MCAT: variants seen among roughly 807,000 people sequenced by gnomAD.
MCAT encodes the protein malonyl-CoA-acyl carrier protein transacylase.
Under a neutral mutation model 22.9 loss-of-function variants are expected in MCAT, and 22 were observed. That is an observed-to-expected ratio of 0.96 (90% CI 0.69 to 1.37). MCAT has a LOEUF of 1.37. Ranked by LOEUF, MCAT falls within the 40% of genes most tolerant of loss-of-function variation. The probability of loss-of-function intolerance (pLI) is 0.00; values close to 1 mark genes in which losing one functional copy is unlikely to be tolerated. For missense variants in MCAT, 534 were observed against 533.6 expected (o/e 1.00, Z -0.01); for synonymous variants, 240 against 233.9 (o/e 1.03, Z -0.24).
intron 2 of MCAT, among the ~76,000 whole-genome samples, chr22:43,137,631 C>T (rs1033129834): frequency 1.3e-5 from 2 of 152,108 alleles, no homozygotes; most frequent in Non-Finnish European, 2.9e-5. Flanking sequence ...GTGCCACTGA[C>T]GTCTAGTGGG....
intron 3 of MCAT, among the ~76,000 whole-genome samples, chr22:43,135,259 T>C (rs1334187041): frequency 2.0e-5 from 3 of 152,124 alleles, no homozygotes; most frequent in African/African-American, 4.8e-5. Context: ...TCCCAGCACT[T>C]TGGGAGGCCG....
At position 43,132,852 on chromosome 22, in the gene MCAT, G is replaced by A. The variant is rs55888369; in HGVS notation, c.*191C>T. The A allele has an allele frequency of 0.014, 8,436 of 593,158 alleles. 103 individuals carry two copies. The highest frequency in any genetic ancestry group is 0.019 in the Middle Eastern group (43 of 2,226). 36.7% of individuals were successfully genotyped at this position (593,158 alleles called of 1,614,324 possible). Reference sequence around the variant, plus strand: ...AACGTCCAAACGTTTTTCCAAGGGGGAGAAATGGACTGGGTCATGTAAAGA... The same window carrying A: ...AACGTCCAAACGTTTTTCCAAGGGGAAGAAATGGACTGGGTCATGTAAAGA... On this transcript the variant is annotated 3_prime_UTR_variant, in exon 4 of 4. Coordinates refer to ENST00000290429, the MANE Select transcript of MCAT (RefSeq NM_173467.5).
intron 3 of MCAT, 87 bp from the exon 4 acceptor site, chr22:43,133,573 G>T (rs898081002): frequency 6.0e-5 from 63 of 1,047,966 alleles, no homozygotes; most frequent in Non-Finnish European, 7.4e-5. Context: ...AACTGGGAGG[G>T]TGACCACAAA....
Position 43,143,215 on chromosome 22 carries a change from G to T in MCAT, c.134C>A (p.Ala45Glu). ...VAELLRDATG[A>E]EEEAPWAATE... is the part of the protein sequence containing the mutation. Reference sequence around the variant, plus strand: ...CGCCGCCCAGGGCGCCTCCTCCTCCGCCCCGGTCGCATCTCGCAGCAGCTC... The same window carrying T: ...CGCCGCCCAGGGCGCCTCCTCCTCCTCCCCGGTCGCATCTCGCAGCAGCTC... The change falls in exon 1 of 4, where the codon GCG becomes GAG. Residue 45 changes from alanine (A) to glutamate (E), a missense_variant. By Grantham distance (107) the Ala-to-Glu change is moderately radical (BLOSUM62 -1). Transcript: ENST00000290429. 6.6e-7 allele frequency: 1 copy of T among 1,525,458 alleles called. No individual in the cohort carries two copies. Among genetic ancestry groups the T allele is most frequent in the Admixed American group, 2.0e-5 (1 of 50,130 alleles). 94.5% of individuals were successfully genotyped at this position (1,525,458 alleles called of 1,614,324 possible). A position where few individuals can be genotyped will look rare whatever the true frequency, so the allele number is the denominator to read the frequency against.
rs777642010 is a variant in MCAT at position 43,133,251 on chromosome 22, G to A, written c.965C>T (p.Ser322Phe). ...IHKLLAQQLV[S>F]PVKWEQTMHA... The stretch of plus-strand genomic sequence containing the variant: ...CATCGTCTGCTCCCACTTCACTGGG[G>A]AGACCAGCTGCTGGGCCAGCAGCTT... The change falls in exon 4 of 4, where the codon TCC becomes TTC. Residue 322 changes from serine (S) to phenylalanine (F), a missense_variant. Transcript: ENST00000290429. 6.2e-6 allele frequency: 10 copies of A among 1,614,208 alleles called. No homozygotes were observed. The highest frequency in any genetic ancestry group is 3.3e-5 in the South Asian group (3 of 91,090).
intron 2 of MCAT, 122 bp from the exon 3 acceptor site, chr22:43,137,420 C>T (rs1601742415): frequency 5.3e-6 from 4 of 749,714 alleles, no homozygotes; most frequent in Admixed American, 2.7e-5. Context: ...GTGTCTGCCA[C>T]CAGCCAGCAG....
At chr22:43,137,459 T>C (rs1930650137) in intron 2 of MCAT, among the ~76,000 whole-genome samples, 161 bp from the exon 3 acceptor site, 1 of 152,238 alleles carries the variant, frequency 6.6e-6, no homozygotes, top group Non-Finnish European at 1.5e-5. Context: ...CTCCATCGAC[T>C]GCACAAGCGC....
rs1287476568 is a variant in MCAT at position 43,141,145 on chromosome 22, C to G, written c.511+17G>C. 3.7e-6 allele frequency: 6 copies of G among 1,613,216 alleles called. No homozygotes were observed. Among genetic ancestry groups the G allele is most frequent in the Non-Finnish European group, 5.1e-6 (6 of 1,179,348 alleles). Reference sequence around the variant, plus strand: ...CCAAGACCACAGCCTTGCATAAAACCAAACTCCTTCCTGTACCTTCAGCAA... The same window carrying G: ...CCAAGACCACAGCCTTGCATAAAACGAAACTCCTTCCTGTACCTTCAGCAA... On this transcript the variant is annotated intron_variant, in intron 2 of 3. Transcript: ENST00000290429.
At chr22:43,137,565 C>T (rs1372214204) in intron 2 of MCAT, among the ~76,000 whole-genome samples, 2 of 152,266 alleles carry the variant, frequency 1.3e-5, no homozygotes, top group Middle Eastern at 3.4e-3. Flanking sequence ...CAGTGGTGCT[C>T]AACAGGCCGG....
chr22:43,142,693 G>A (rs1930803747), intron 1 of MCAT, among the ~76,000 whole-genome samples: 1 of 151,748 alleles, frequency 6.6e-6, no homozygotes, highest in Admixed American at 6.6e-5. Flanking sequence ...GGCTGAGGCA[G>A]GAGAATGGCG....
At chr22:43,135,894 C>A (rs1182867741) in intron 3 of MCAT, among the ~76,000 whole-genome samples, 1 of 152,166 alleles carries the variant, frequency 6.6e-6, no homozygotes, top group Non-Finnish European at 1.5e-5. Flanking sequence ...TCTACTATCC[C>A]CAAGCACTTG....
At chr22:43,141,284 C>G (rs770987800) in intron 1 of MCAT, 35 bp from the exon 2 acceptor site, 7 of 1,566,534 alleles carry the variant, frequency 4.5e-6, no homozygotes, top group Non-Finnish European at 5.3e-6. Flanking sequence ...AGCCCTCACT[C>G]TCCTGGGGAT....
At chr22:43,134,802 C>G (rs1168697752) in intron 3 of MCAT, among the ~76,000 whole-genome samples, 1 of 152,232 alleles carries the variant, frequency 6.6e-6, no homozygotes, top group Non-Finnish European at 1.5e-5. Context: ...TGGCTCCATC[C>G]CACTGAGGCT....
At position 43,133,230 on chromosome 22, in the gene MCAT, G is replaced by C; in HGVS notation, c.986C>G (p.Thr329Arg). 6.2e-7 allele frequency: 1 copy of C among 1,614,196 alleles called. No homozygotes were observed. Among genetic ancestry groups the C allele is most frequent in the Non-Finnish European group, 8.5e-7 (1 of 1,180,038 alleles). The change falls in exon 4 of 4, where the codon ACG becomes AGG. Residue 329 changes from threonine (T) to arginine (R), a missense_variant. Coordinates refer to ENST00000290429, the MANE Select transcript of MCAT (RefSeq NM_173467.5). Reference protein sequence around the residue: ...QLVSPVKWEQTMHAIYERKKG... With the variant: ...QLVSPVKWEQRMHAIYERKKG... ...TTTCCTTTCGTATATGGCATGCATCGTCTGCTCCCACTTCACTGGGGAGAC... is the reference window on the plus strand; with the variant it reads ...TTTCCTTTCGTATATGGCATGCATCCTCTGCTCCCACTTCACTGGGGAGAC...
chr22:43,142,253 G>A (rs1250914773), intron 1 of MCAT, among the ~76,000 whole-genome samples: 3 of 152,254 alleles, frequency 2.0e-5, no homozygotes, highest in Non-Finnish European at 4.4e-5. Flanking sequence ...ATTTAGGCCA[G>A]TGCAGTGGCT....
Position 43,133,272 on chromosome 22 carries a change from A to G in MCAT, c.944T>C (p.Leu315Pro). 6.2e-7 allele frequency: 1 copy of G among 1,614,192 alleles called. No individual in the cohort carries two copies. Among genetic ancestry groups the G allele is most frequent in the Non-Finnish European group, 8.5e-7 (1 of 1,180,024 alleles). ...TGGGGAGACCAGCTGCTGGGCCAGC[A>G]GCTTGTGGATGTGCCCGGGATGCCT... ...RYRHPGHIHK[L>P]LAQQLVSPVK... is the part of the protein sequence containing the mutation. Residue 315 changes from leucine (L) to proline (P), a missense_variant, in exon 4 of 4, where the codon CTG becomes CCG. By Grantham distance (98) the Leu-to-Pro change is moderately conservative. Transcript: ENST00000290429.
At chr22:43,140,970 G>A in intron 2 of MCAT, 192 bp downstream of exon 2, 1 of 587,360 alleles carries the variant, frequency 1.7e-6, no homozygotes, top group Non-Finnish European at 3.1e-6. Flanking sequence ...AAAAATAAGG[G>A]AAATCCCTAA....
intron 2 of MCAT, chr22:43,140,922 G>T (rs1014796359): frequency 9.2e-6 from 5 of 543,570 alleles, no homozygotes; most frequent in Non-Finnish European, 1.7e-5. Flanking sequence ...ACAGGATAGC[G>T]GGTTAGACAG....
In MCAT at chr22:43,132,321, ACCCGCAGT is replaced by A. The variant is rs1425178985; in HGVS notation, c.*714_*721del. 1 of 152,188 alleles carries A rather than the reference ACCCGCAGT, an allele frequency of 6.6e-6. No individual in the cohort carries two copies. Among genetic ancestry groups the A allele is most frequent in the Non-Finnish European group, 1.5e-5 (1 of 68,106 alleles). 9.4% of individuals were successfully genotyped at this position (152,188 alleles called of 1,614,324 possible). On this transcript the variant is annotated 3_prime_UTR_variant, in exon 4 of 4. Coordinates refer to ENST00000290429, the MANE Select transcript of MCAT (RefSeq NM_173467.5). ...CTGTGCTCCCTCTGGCGCCCCGCAG[ACCCGCAGT>A]CCCAGTGGGTGACCAGGGTGTTCCT...
Sources: allele counts gnomAD v4.1 joint callset (sites outside exome capture counted in the v4.1 genomes callset), GRCh38; gene constraint gnomAD v4.1.1; transcripts MANE v1.5; gene names NCBI Gene and HGNC (gene_info 2026-07-23, HGNC 2026-07-21).